Variants in FLII observed in about 807,000 individuals in gnomAD.
The protein encoded by FLII is FLII actin remodeling protein.
FLII carries 101 observed loss-of-function variants against 156.2 expected under a neutral mutation model. That is an observed-to-expected ratio of 0.65 (90% CI 0.55 to 0.76). The LOEUF (loss-of-function observed/expected upper bound fraction) is 0.76. FLII is among the 30% of genes least tolerant of loss of function. The pLI is 0.00. For missense variants in FLII, 1,675 were observed against 1,682.8 expected, an observed-to-expected ratio of 1.00 and a Z score of 0.08; for synonymous variants, 767 against 685.8, an observed-to-expected ratio of 1.12 and a Z score of -1.85.
chr17:18,253,521 C>G, intron 8 of FLII, 23 bp downstream of exon 8: 1 of 1,613,130 alleles, frequency 6.2e-7, no homozygotes, highest in Non-Finnish European at 8.5e-7. Context: ...CTCCCATCCC[C>G]CTACTGAGGG....
Position 18,244,975 on chromosome 17 carries a change from A to G in FLII, c.*163T>C, listed in dbSNP as rs1224234326. 1.3e-6 allele frequency: 1 copy of G among 752,698 alleles called. No individual in the cohort carries two copies. Among genetic ancestry groups the G allele is most frequent in the Admixed American group, 2.4e-5 (1 of 41,834 alleles). The allele number at this position is 752,698 out of a possible 1,614,324, so 46.6% of individuals were successfully genotyped here. On this transcript the variant is annotated 3_prime_UTR_variant, in exon 30 of 30. Coordinates refer to ENST00000327031, the MANE Select transcript of FLII (RefSeq NM_002018.4). ...TTGGATTTCCCAGACCCCTGAGGGC[A>G]CCTGTCAGGGTCATCCCCATTGGTG...
chr17:18,256,832 T>G (rs561365283), intron 2 of FLII, 77 bp downstream of exon 2: 2 of 979,170 alleles, frequency 2.0e-6, no homozygotes, highest in Admixed American at 2.1e-5. Context: ...TCTGGAGAAG[T>G]TGTCTGCCTT....
intron 14 of FLII, among the ~76,000 whole-genome samples, chr17:18,250,431 C>T (rs569223566): frequency 8.6e-4 from 131 of 152,272 alleles, no homozygotes; most frequent in South Asian, 1.9e-3. Context: ...ACTCTGGTCC[C>T]GCCCTTGGCC....
chr17:18,257,886 T>A (rs916967873), intron 1 of FLII, among the ~76,000 whole-genome samples: 3 of 152,148 alleles, frequency 2.0e-5, no homozygotes, highest in Non-Finnish European at 4.4e-5. Flanking sequence ...TCCCTCCCTC[T>A]CTTTCTCTGC....
Position 18,250,949 on chromosome 17 carries a change from G to A in FLII, c.1665C>T (p.Leu555=), listed in dbSNP as rs767635985. 8.1e-6 allele frequency: 13 copies of A among 1,613,738 alleles called. No individual in the cohort carries two copies. Among genetic ancestry groups the A allele is most frequent in the African/African-American group, 5.3e-5 (4 of 74,924 alleles). ...GGATGGCAGAGCAAGCTTTCTTGTC[G>A]AGTGTGGCCTCCCCGCCAATCCAGT... ...IYYWIGGEAT[L]DKKACSAIHA... Residue 555 remains leucine (L), a synonymous_variant, in exon 14 of 30, where the codon CTC becomes CTT. Transcript: ENST00000327031.
At position 18,254,142 on chromosome 17, in the gene FLII, G is replaced by A. The variant is rs761089466; in HGVS notation, c.616C>T (p.Arg206Trp). 17 of 1,611,472 alleles carry A rather than the reference G, an allele frequency of 1.1e-5. No homozygotes were observed. Among genetic ancestry groups the A allele is most frequent in the East Asian group, 4.5e-5 (2 of 44,788 alleles). Reference sequence around the variant, plus strand: ...TTGCTCTGGGTGCGCTGGGTGCTCCGCAGGTGCAGGGTCTGCAGGGCCGTC... The same window carrying A: ...TTGCTCTGGGTGCGCTGGGTGCTCCACAGGTGCAGGGTCTGCAGGGCCGTC... ...AMTALQTLHL[R>W]STQRTQSNLP... Residue 206 changes from arginine to tryptophan, a missense_variant, in exon 7 of 30, where the codon CGG (arginine) becomes TGG (tryptophan). Around this residue, in one of 2 missense-constraint regions of FLII, gnomAD observed 343 missense variants for 413.5 expected, o/e 0.83. Transcript: ENST00000327031.
intron 13 of FLII, 80 bp from the exon 14 acceptor site, chr17:18,251,097 G>A: frequency 6.7e-7 from 1 of 1,494,176 alleles, no homozygotes; most frequent in Non-Finnish European, 9.0e-7. Context: ...GAACAGCACA[G>A]GCTTCCCAGC....
At position 18,244,950 on chromosome 17, in the gene FLII, T is replaced by G; in HGVS notation, c.*188A>C. On this transcript the variant is annotated 3_prime_UTR_variant, in exon 30 of 30. Transcript: ENST00000327031. The stretch of plus-strand genomic sequence containing the variant: ...ACGTGCACTCACACTGTGGAGAGAG[T>G]TGGATTTCCCAGACCCCTGAGGGCA... 2 of 651,696 alleles carry G rather than the reference T, an allele frequency of 3.1e-6. No homozygotes were observed. Among genetic ancestry groups the G allele is most frequent in the Non-Finnish European group, 5.4e-6 (2 of 373,808 alleles). 40.4% of individuals were successfully genotyped at this position (651,696 alleles called of 1,614,324 possible). A position where few individuals can be genotyped will look rare whatever the true frequency, so the allele number is the denominator to read the frequency against.
At position 18,247,987 on chromosome 17, in the gene FLII, T is replaced by C. The variant is rs2048142623; in HGVS notation, c.2237A>G (p.Lys746Arg). Residue 746 changes from lysine (K) to arginine (R), a missense_variant, in exon 19 of 30, where the codon AAG becomes AGG. Physicochemically the swap from Lys to Arg is conservative, Grantham distance 26. Transcript: ENST00000327031. ...GYLELPQINYKLSVEHKQRPK... is the reference protein window; with the variant it reads ...GYLELPQINYRLSVEHKQRPK... ...ACGCTGCTTATGTTCCACGGAGAGC[T>C]TGTAGTTGATCTGTGGCAGCTCCAG... 1.2e-6 allele frequency: 2 copies of C among 1,613,896 alleles called. No individual in the cohort carries two copies. Among genetic ancestry groups the C allele is most frequent in the African/African-American group, 2.7e-5 (2 of 74,916 alleles).
intron 26 of FLII, 34 bp from the exon 27 acceptor site, chr17:18,245,884 G>T (rs775131293): frequency 6.2e-7 from 1 of 1,613,844 alleles, no homozygotes; most frequent in South Asian, 1.1e-5. Flanking sequence ...CAGGGCCCCT[G>T]CCTGCCCTGG....
Position 18,252,513 on chromosome 17 carries a change from C to A in FLII, c.1057G>T (p.Val353Leu), listed in dbSNP as rs201265299. Residue 353 changes from valine to leucine, a missense_variant, in exon 10 of 30, where the codon GTG becomes TTG. This residue lies in a region of FLII where 1,332 missense variants were observed against 1,269.3 expected (regional missense o/e 1.05). Coordinates refer to ENST00000327031, the MANE Select transcript of FLII (RefSeq NM_002018.4). ...AAATGGATGGCTTCTGGGAGGGTCA[C>A]CAGGTGGTTCTTGTTCAGGACAAGT... is the stretch of plus-strand genomic sequence containing the variant. ...RKLVLNKNHL[V>L]TLPEAIHFLT... 2.0e-5 allele frequency: 33 copies of A among 1,613,776 alleles called. No homozygotes were observed. The highest frequency in any genetic ancestry group is 2.8e-5 in the Non-Finnish European group (33 of 1,180,022).
rs1055230648 is a variant in FLII at position 18,247,490 on chromosome 17, G to GT, written c.2488-134dup. ...GGGAGGCGGGGCCTCGGACACGGAG[G>GT]TAGGAATAGGAGGGGCAGCTTGCAG... On this transcript the variant is annotated intron_variant, in intron 20 of 29. Coordinates refer to ENST00000327031, the MANE Select transcript of FLII (RefSeq NM_002018.4). 3 of 1,066,010 alleles carry GT rather than the reference G, an allele frequency of 2.8e-6. No individual in the cohort carries two copies. In the African/African-American group the frequency reaches 4.8e-5, roughly 17 times the overall value. The allele number at this position is 1,066,010 out of a possible 1,614,324, so 66.0% of individuals were successfully genotyped here. A position where few individuals can be genotyped will look rare whatever the true frequency, so the allele number is the denominator to read the frequency against.
intron 8 of FLII, 26 bp downstream of exon 8, chr17:18,253,518 C>T: frequency 1.2e-6 from 2 of 1,613,110 alleles, no homozygotes; most frequent in Non-Finnish European, 1.7e-6. Flanking sequence ...TTCCTCCCAT[C>T]CCCCTACTGA....
rs1483898808 is a variant in FLII, at chr17:18,258,448, G to A, written c.63+180C>T. On this transcript the variant is annotated intron_variant, in intron 1 of 29. Transcript: ENST00000327031. This position sits in a 1 kb window ranked among gnomAD's most constrained non-coding sequence, Gnocchi z 4.2. Reference sequence around the variant, plus strand: ...TGCCCAGCCTCGGTCTCCCCGTACAGGCACTGGGCGGAGGCCTCGGAGGTC... The same window carrying A: ...TGCCCAGCCTCGGTCTCCCCGTACAAGCACTGGGCGGAGGCCTCGGAGGTC... The A allele has an allele frequency of 2.0e-6, 3 of 1,505,292 alleles. No homozygotes were observed. Among genetic ancestry groups the A allele is most frequent in the Non-Finnish European group, 1.8e-6 (2 of 1,131,552 alleles). 93.2% of individuals were successfully genotyped at this position (1,505,292 alleles called of 1,614,324 possible).
Position 18,244,909 on chromosome 17 carries a change from A to T in FLII, c.*229T>A, listed in dbSNP as rs2047970700. The T allele has an allele frequency of 1.8e-6, 1 of 547,402 alleles. No homozygotes were observed. Among genetic ancestry groups the T allele is most frequent in the South Asian group, 3.0e-5 (1 of 32,814 alleles). 33.9% of individuals were successfully genotyped at this position (547,402 alleles called of 1,614,324 possible). On this transcript the variant is annotated 3_prime_UTR_variant, in exon 30 of 30. Coordinates refer to ENST00000327031, the MANE Select transcript of FLII (RefSeq NM_002018.4). The stretch of plus-strand genomic sequence containing the variant: ...ACATCTGCTTTATCCCTAGCGGAAG[A>T]GTGAGGGGGCTTCACACGTGCACTC...
At position 18,258,540 on chromosome 17, in the gene FLII, G is replaced by A. The variant is rs1567720543; in HGVS notation, c.63+88C>T. ...GTCCCTGGGACACGCAGGGCCTGGA[G>A]CCGAGCGGGACAGGAAGCGGAGGCC... On this transcript the variant is annotated intron_variant, in intron 1 of 29. Coordinates refer to ENST00000327031, the MANE Select transcript of FLII (RefSeq NM_002018.4). This position sits in a 1 kb window ranked among gnomAD's most constrained non-coding sequence, Gnocchi z 4.2. 3.3e-6 allele frequency: 5 copies of A among 1,517,090 alleles called. No individual in the cohort carries two copies. The South Asian group carries it at 4.9e-5, about 15-fold the overall frequency. The allele number at this position is 1,517,090 out of a possible 1,614,324, so 94.0% of individuals were successfully genotyped here.
chr17:18,251,435 A>T lies in FLII; in HGVS notation c.1426T>A (p.Trp476Arg). Residue 476 changes from tryptophan (W) to arginine (R), a missense_variant, in exon 13 of 30, where the codon TGG becomes AGG. Coordinates refer to ENST00000327031, the MANE Select transcript of FLII (RefSeq NM_002018.4). Reference protein sequence around the residue: ...ARAPSGKVRRWDQGLEKPRLD... With the variant: ...ARAPSGKVRRRDQGLEKPRLD... ...CGGGGCTTCTCCAGGCCCTGGTCCC[A>T]ACGCCGCACCTTCCCGCTGGGGGCC... The T allele has an allele frequency of 6.2e-7, 1 of 1,611,094 alleles. No homozygotes were observed. Among genetic ancestry groups the T allele is most frequent in the Non-Finnish European group, 8.5e-7 (1 of 1,178,576 alleles).
chr17:18,257,698 G>A (rs2048466093), intron 1 of FLII, among the ~76,000 whole-genome samples: 1 of 152,252 alleles, frequency 6.6e-6, no homozygotes, highest in African/African-American at 2.4e-5. Flanking sequence ...AGGTTAGGGT[G>A]GTGGGGATGG....
chr17:18,252,882 C>T (rs1032374032), intron 9 of FLII, among the ~76,000 whole-genome samples: 7 of 152,154 alleles, frequency 4.6e-5, no homozygotes, highest in African/African-American at 7.2e-5. Flanking sequence ...TTAACTGGGC[C>T]GGGCGTGGTG....
Sources: allele counts gnomAD v4.1 joint callset (sites outside exome capture counted in the v4.1 genomes callset), GRCh38; gene constraint gnomAD v4.1.1; regional missense constraint gnomAD v4.1.1; non-coding constraint Gnocchi (gnomAD v3.1); transcripts MANE v1.5; gene names NCBI Gene and HGNC (gene_info 2026-07-23, HGNC 2026-07-21).